Variants in TRIQK observed in about 807,000 individuals in gnomAD.
TRIQK encodes triple QxxK/R motif-containing protein.
A neutral mutation model predicts 10.8 loss-of-function variants in TRIQK; 10 were observed. The observed-to-expected ratio is 0.92, with a 90% CI of 0.57 to 1.57. The LOEUF (loss-of-function observed/expected upper bound fraction) is 1.57. Ranked by LOEUF, TRIQK falls within the 40% of genes most tolerant of loss-of-function variation. The pLI, the probability that TRIQK is intolerant of heterozygous loss-of-function variation, is 0.00. For synonymous variants in TRIQK, 33 were observed against 33.7 expected (o/e 0.98, Z 0.07); for missense variants, 107 against 97.7 (o/e 1.09, Z -0.40).
intron 2 of TRIQK, among the ~76,000 whole-genome samples, chr8:92,942,348 C>T (rs938514477): frequency 2.0e-5 from 3 of 152,108 alleles, no homozygotes; most frequent in African/African-American, 7.2e-5. Context: ...TTCAACATCC[C>T]CTCATGATAA....
chr8:92,933,006 TC>T (rs966249778), intron 2 of TRIQK, among the ~76,000 whole-genome samples: 3 of 152,036 alleles, frequency 2.0e-5, no homozygotes, highest in African/African-American at 4.8e-5. Flanking sequence ...AGGGCCCACT[TC>T]CCCTTTAGTA....
intron 3 of TRIQK, among the ~76,000 whole-genome samples, chr8:92,915,519 T>C (rs1809783995): frequency 6.6e-6 from 1 of 151,650 alleles, no homozygotes; most frequent in East Asian, 1.9e-4. Flanking sequence ...AGTCCCACTC[T>C]GTCACCCAGG....
intron 2 of TRIQK, among the ~76,000 whole-genome samples, chr8:92,931,284 T>C (rs1302387782): frequency 1.3e-5 from 2 of 152,204 alleles, no homozygotes; most frequent in East Asian, 3.8e-4. Flanking sequence ...TTAATTTATA[T>C]GCATTTTACA....
At chr8:92,989,505 A>AC (rs1225363602) in intron 1 of TRIQK, among the ~76,000 whole-genome samples, 1 of 150,526 alleles carries the variant, frequency 6.6e-6, no homozygotes, top group Non-Finnish European at 1.5e-5. Flanking sequence ...CCTGTTGGAA[A>AC]CCCCCCATGT....
At chr8:92,966,978 T>TAAAAAAAA (rs1486826767), upstream of TRIQK, among the ~76,000 whole-genome samples, 1 of 2,420 alleles carries the variant, frequency 4.1e-4, no homozygotes, top group Non-Finnish European at 8.9e-4. Flanking sequence ...GAAAGTAGCA[T>TAAAAAAAA]ACAAAAAAAA....
At chr8:92,961,071 T>A (rs1223133345) in intron 1 of TRIQK, among the ~76,000 whole-genome samples, 1 of 152,190 alleles carries the variant, frequency 6.6e-6, no homozygotes, top group Non-Finnish European at 1.5e-5. Flanking sequence ...GAAATGTTCT[T>A]CCTTCCTTAG....
intron 3 of TRIQK, among the ~76,000 whole-genome samples, chr8:92,892,877 A>G (rs931900831): frequency 6.6e-6 from 1 of 151,960 alleles, no homozygotes; most frequent in Non-Finnish European, 1.5e-5. Flanking sequence ...CATTCATTAC[A>G]ATGATATACT....
intron 1 of TRIQK, among the ~76,000 whole-genome samples, chr8:92,985,154 A>G (rs566746720): frequency 9.2e-5 from 14 of 152,280 alleles, no homozygotes; most frequent in Admixed American, 3.3e-4. Flanking sequence ...GAATGACCAT[A>G]TTGTGCTTCA....
At chr8:92,911,900 G>GAT (rs1459898811) in intron 3 of TRIQK, among the ~76,000 whole-genome samples, 1 of 130,612 alleles carries the variant, frequency 7.7e-6, no homozygotes, top group Non-Finnish European at 1.6e-5. Context: ...TGTGTGTGTA[G>GAT]ACATATATAT....
At chr8:92,992,706 C>T (rs967612946) in intron 1 of TRIQK, among the ~76,000 whole-genome samples, 31 of 152,106 alleles carry the variant, frequency 2.0e-4, no homozygotes, top group African/African-American at 5.8e-4. Context: ...CTATTTATTG[C>T]GAGACCATGA....
At chr8:93,001,330 G>C (rs1012909581) in intron 1 of TRIQK, among the ~76,000 whole-genome samples, 1 of 149,810 alleles carries the variant, frequency 6.7e-6, no homozygotes, top group Non-Finnish European at 1.5e-5. Flanking sequence ...AAATGATATA[G>C]AGAGGCTACT....
chr8:92,965,360 C>T (rs1049802254), intron 1 of TRIQK: 20 of 152,334 alleles, frequency 1.3e-4, no homozygotes, highest in Admixed American at 1.3e-3. Context: ...ACACCAAGCT[C>T]CAAGAAAAAT....
chr8:92,918,133 G>T (rs1282308757), intron 2 of TRIQK, among the ~76,000 whole-genome samples: 3 of 152,030 alleles, frequency 2.0e-5, no homozygotes, highest in African/African-American at 7.2e-5. Flanking sequence ...ACTGATGGAT[G>T]CTAAGGTTGA....
intron 2 of TRIQK, chr8:92,926,270 A>T (rs368915954): frequency 3.3e-5 from 5 of 152,186 alleles, no homozygotes. Flanking sequence ...GTCATTCATC[A>T]GTGTTATTTG....
upstream of TRIQK, among the ~76,000 whole-genome samples, chr8:92,970,437 A>C (rs1812863078): frequency 6.6e-6 from 1 of 152,112 alleles, no homozygotes; most frequent in African/African-American, 2.4e-5. Flanking sequence ...AAGTGTTCCT[A>C]TTTCTCCACA....
intron 1 of TRIQK, among the ~76,000 whole-genome samples, chr8:93,002,090 A>G (rs1183353465): frequency 6.6e-6 from 1 of 152,200 alleles, no homozygotes; most frequent in Non-Finnish European, 1.5e-5. Context: ...AAATTGCAAT[A>G]CAGCATACCA....
chr8:92,944,142 A>G (rs1041808191), intron 2 of TRIQK, among the ~76,000 whole-genome samples: 1 of 152,164 alleles, frequency 6.6e-6, no homozygotes, highest in African/African-American at 2.4e-5. Flanking sequence ...AATGCAAATC[A>G]AAACAACAAG....
At chr8:92,904,973 TGCAAA>T (rs975588096) in intron 3 of TRIQK, among the ~76,000 whole-genome samples, 3 of 152,164 alleles carry the variant, frequency 2.0e-5, no homozygotes, top group Admixed American at 6.5e-5. Flanking sequence ...GCAAGCATGG[TGCAAA>T]GGCTCAACTT....
intron 1 of TRIQK, among the ~76,000 whole-genome samples, chr8:92,990,097 C>T (rs1019338948): frequency 1.3e-5 from 2 of 151,872 alleles, no homozygotes; most frequent in South Asian, 2.1e-4. Context: ...AACAACATTC[C>T]GTAATGGTCA....
Sources: gnomAD v4.1 joint callset for allele counts (sites outside exome capture counted in the v4.1 genomes callset) on GRCh38, gnomAD v4.1.1 for gene constraint, MANE v1.5 for transcripts, NCBI Gene and HGNC (gene_info 2026-07-23, HGNC 2026-07-21) for gene names.